RNLS: variants seen among roughly 807,000 people sequenced by gnomAD.
RNLS encodes renalase, FAD dependent amine oxidase, also known as renalase.
A neutral mutation model predicts 39.8 loss-of-function variants in RNLS; 39 were observed. The ratio of observed to expected loss-of-function variants is 0.98; its 90% CI spans 0.76 to 1.28. The LOEUF (loss-of-function observed/expected upper bound fraction) is 1.28, where lower values mean the gene tolerates loss of function less well. RNLS is among the 50% of genes most tolerant of loss of function. The pLI is 0.00. For synonymous variants in RNLS, 147 were observed against 150.7 expected (o/e 0.98, Z 0.18); for missense variants, 410 against 413.3 (o/e 0.99, Z 0.07).
At chr10:88,250,259 A>T in the RNLS span, among the ~76,000 whole-genome samples, 1 of 152,232 alleles carries the variant, frequency 6.6e-6, no homozygotes, top group South Asian at 2.1e-4. Context: ...AACACAGCAG[A>T]CAATAATATA....
chr10:88,435,613 A>C (rs1408507826), intron 4 of RNLS, among the ~76,000 whole-genome samples: 3 of 152,304 alleles, frequency 2.0e-5, no homozygotes, highest in Admixed American at 6.5e-5. Context: ...ATGCATCTGG[A>C]ATTAGAAGTT....
At chr10:88,204,293 C>T in the RNLS span, among the ~76,000 whole-genome samples, 3 of 152,234 alleles carry the variant, frequency 2.0e-5, no homozygotes, top group South Asian at 2.1e-4. Context: ...AGATAAGCGT[C>T]GTTCAAATGT....
the RNLS span, among the ~76,000 whole-genome samples, chr10:88,227,940 G>T: frequency 1.3e-5 from 2 of 152,092 alleles, no homozygotes; most frequent in African/African-American, 4.8e-5. Context: ...GACTAAGGAG[G>T]GTGGGCTTCC....
At chr10:88,560,690 C>T (rs1030939455) in intron 4 of RNLS, among the ~76,000 whole-genome samples, 8 of 151,900 alleles carry the variant, frequency 5.3e-5, no homozygotes, top group Non-Finnish European at 1.5e-5. Context: ...CTGTTGAACC[C>T]ATGGGGACTA....
intron 5 of RNLS, among the ~76,000 whole-genome samples, chr10:88,325,433 C>T (rs1846528008): frequency 6.6e-6 from 1 of 152,178 alleles, no homozygotes; most frequent in African/African-American, 2.4e-5. Context: ...GCAGCAACCC[C>T]AGCAGTAGCA....
At chr10:88,292,370 TG>T (rs1261490776) in intron 6 of RNLS, among the ~76,000 whole-genome samples, 1 of 151,884 alleles carries the variant, frequency 6.6e-6, no homozygotes, top group Non-Finnish European at 1.5e-5. Flanking sequence ...TTTAAGCCAT[TG>T]GAACAGCCAC....
chr10:88,185,114 G>A, the RNLS span, among the ~76,000 whole-genome samples: 1 of 152,156 alleles, frequency 6.6e-6, no homozygotes, highest in Non-Finnish European at 1.5e-5. Flanking sequence ...AAGGCAGATT[G>A]TTAATAATCT....
chr10:88,190,184 T>C, the RNLS span, among the ~76,000 whole-genome samples: 1 of 152,236 alleles, frequency 6.6e-6, no homozygotes, highest in Non-Finnish European at 1.5e-5. Flanking sequence ...CCTCAAGCTG[T>C]TTTTGTCTCC....
chr10:88,412,951 T>C (rs1853774786), intron 4 of RNLS, among the ~76,000 whole-genome samples: 1 of 152,162 alleles, frequency 6.6e-6, no homozygotes, highest in Non-Finnish European at 1.5e-5. Flanking sequence ...AAAGCATATG[T>C]TTTGGACACA....
chr10:88,563,602 G>A (rs945518236), intron 4 of RNLS, among the ~76,000 whole-genome samples: 1 of 152,150 alleles, frequency 6.6e-6, no homozygotes, highest in South Asian at 2.1e-4. Context: ...TGAAGCCAGA[G>A]AATGTAGCCA....
intron 4 of RNLS, among the ~76,000 whole-genome samples, chr10:88,392,971 T>C (rs2133588715): frequency 6.6e-6 from 1 of 152,276 alleles, no homozygotes; most frequent in Non-Finnish European, 1.5e-5. Context: ...AAAAGGCCTC[T>C]GACAAAACAA....
chr10:88,258,175 A>G, the RNLS span, among the ~76,000 whole-genome samples: 1 of 152,332 alleles, frequency 6.6e-6, no homozygotes, highest in South Asian at 2.1e-4. Flanking sequence ...AAGGGGGGTT[A>G]GAGGGCAAAA....
At chr10:88,172,805 T>TG in the RNLS span, among the ~76,000 whole-genome samples, 3 of 149,384 alleles carry the variant, frequency 2.0e-5, no homozygotes, top group Admixed American at 6.7e-5. Context: ...TTTAATAGTT[T>TG]GGGGTCTTAC....
At chr10:88,472,188 G>T (rs72820051) in intron 4 of RNLS, among the ~76,000 whole-genome samples, 5,015 of 152,276 alleles carry the variant, frequency 0.033, 121 homozygotes, top group Non-Finnish European at 0.048. Context: ...CCAGGGCTGG[G>T]AAGGGGATGG....
intron 4 of RNLS, among the ~76,000 whole-genome samples, chr10:88,368,866 G>C (rs1324220114): frequency 1.3e-5 from 2 of 151,974 alleles, no homozygotes; most frequent in Non-Finnish European, 2.9e-5. Flanking sequence ...CCAATTTATA[G>C]TTTCTATTAG....
At chr10:88,352,952 T>A (rs555583135) in intron 5 of RNLS, among the ~76,000 whole-genome samples, 29 of 152,354 alleles carry the variant, frequency 1.9e-4, no homozygotes, top group South Asian at 1.5e-3. Flanking sequence ...TCCAGGAATT[T>A]ATCCATTTCT....
chr10:88,533,603 T>C (rs1847568023), intron 4 of RNLS, among the ~76,000 whole-genome samples: 1 of 152,098 alleles, frequency 6.6e-6, no homozygotes, highest in Non-Finnish European at 1.5e-5. Flanking sequence ...GTACTTTAGT[T>C]TCAGTTGTGA....
At chr10:88,518,208 A>C (rs1846515435) in intron 4 of RNLS, among the ~76,000 whole-genome samples, 1 of 151,894 alleles carries the variant, frequency 6.6e-6, no homozygotes, top group African/African-American at 2.4e-5. Context: ...GGGCTTTCAG[A>C]AAACTTGGCA....
the RNLS span, among the ~76,000 whole-genome samples, chr10:88,242,536 AT>A: frequency 6.6e-6 from 1 of 152,322 alleles, no homozygotes. Flanking sequence ...TCAAAAAAAA[AT>A]CTCTGTTTTT....
Sources: allele counts gnomAD v4.1 joint callset (sites outside exome capture counted in the v4.1 genomes callset), GRCh38; gene constraint gnomAD v4.1.1; transcripts MANE v1.5; gene names NCBI Gene and HGNC (gene_info 2026-07-23, HGNC 2026-07-21).